PRKCE: variants seen among roughly 807,000 people sequenced by gnomAD.
The protein encoded by PRKCE is protein kinase C epsilon type.
PRKCE carries 16 observed loss-of-function variants against 85.4 expected under a neutral mutation model. The ratio of observed to expected loss-of-function variants is 0.19; its 90% CI spans 0.13 to 0.28. PRKCE has a LOEUF of 0.28. Among genes scored for constraint, PRKCE ranks in the 10% least tolerant of loss-of-function variants. PRKCE has a pLI of 1.00. For synonymous variants in PRKCE, 388 were observed against 371.5 expected (o/e 1.04, Z -0.51); for missense variants, 573 against 975.2 (o/e 0.59, Z 5.49).
intron 1 of PRKCE, among the ~76,000 whole-genome samples, chr2:45,841,837 C>T (rs1691378344): frequency 6.6e-6 from 1 of 152,238 alleles, no homozygotes; most frequent in Non-Finnish European, 1.5e-5. Flanking sequence ...GAGATATCCA[C>T]TAGACTGACT....
intron 10 of PRKCE, among the ~76,000 whole-genome samples, chr2:46,070,418 T>G (rs1351715076): frequency 6.6e-6 from 1 of 151,918 alleles, no homozygotes; most frequent in Non-Finnish European, 1.5e-5. Flanking sequence ...CCAAGGAGGG[T>G]GGATCACGAG....
chr2:46,092,421 G>C (rs559954664), intron 11 of PRKCE, among the ~76,000 whole-genome samples: 21 of 152,208 alleles, frequency 1.4e-4, no homozygotes, highest in Admixed American at 5.9e-4. Flanking sequence ...TGTGCCCGGT[G>C]CCAGAATTGG....
chr2:45,937,077 G>C lies in PRKCE; in HGVS notation c.413-39352G>C, dbSNP rs75067532. ...CTGGGACAGTGATCATGAAAGAAGAGTGCTCCCAGGGGATGAGCAAGATGA... is the reference window on the plus strand; with the variant it reads ...CTGGGACAGTGATCATGAAAGAAGACTGCTCCCAGGGGATGAGCAAGATGA... On this transcript the variant is annotated intron_variant, in intron 2 of 14. Coordinates refer to ENST00000306156, the MANE Select transcript of PRKCE (RefSeq NM_005400.3). 6.4e-3 allele frequency among the ~76,000 whole-genome samples: 971 copies of C among 152,324 alleles called. 5 individuals are homozygous for C. Among genetic ancestry groups the C allele is most frequent in the Non-Finnish European group, 0.011 (740 of 68,038 alleles).
At chr2:46,000,847 A>G (rs1459603679) in intron 6 of PRKCE, 1 of 152,164 alleles carries the variant, frequency 6.6e-6, no homozygotes, top group African/African-American at 2.4e-5. Context: ...TGGCTGTCTA[A>G]TTCTGGGAGC....
intron 1 of PRKCE, among the ~76,000 whole-genome samples, chr2:45,812,761 C>T (rs1001747310): frequency 6.6e-6 from 1 of 152,320 alleles, no homozygotes; most frequent in South Asian, 2.1e-4. Context: ...GACTGGATCC[C>T]ATAGCAGTAG....
At chr2:45,898,522 A>G (rs978970749) in intron 2 of PRKCE, among the ~76,000 whole-genome samples, 1 of 152,190 alleles carries the variant, frequency 6.6e-6, no homozygotes, top group African/African-American at 2.4e-5. Flanking sequence ...TGGTCCCACC[A>G]CACATTGCTT....
chr2:45,809,569 GT>G (rs144101599), intron 1 of PRKCE, among the ~76,000 whole-genome samples: 2,510 of 151,314 alleles, frequency 0.017, 80 homozygotes, highest in African/African-American at 0.057. Flanking sequence ...AGATAAATGT[GT>G]TTTTTTTTCT....
At chr2:45,885,882 C>T (rs887206731) in intron 2 of PRKCE, among the ~76,000 whole-genome samples, 6 of 152,192 alleles carry the variant, frequency 3.9e-5, no homozygotes, top group South Asian at 2.1e-4. Context: ...TTTAAGTGCA[C>T]GAGGGAGCCT....
intron 1 of PRKCE, among the ~76,000 whole-genome samples, chr2:45,674,428 C>T (rs988321365): frequency 2.6e-5 from 4 of 152,204 alleles, no homozygotes; most frequent in Non-Finnish European, 4.4e-5. Flanking sequence ...CAAGAGGACT[C>T]TGTCAAACCA....
At chr2:45,709,185 G>A (rs1679386970) in intron 1 of PRKCE, among the ~76,000 whole-genome samples, 2 of 152,306 alleles carry the variant, frequency 1.3e-5, no homozygotes, top group African/African-American at 2.4e-5. Flanking sequence ...GAGGTTAGTA[G>A]GGCCTACCAG....
chr2:45,980,194 G>T (rs1702772392), intron 4 of PRKCE, 102 bp from the exon 5 acceptor site: 1 of 1,063,952 alleles, frequency 9.4e-7, no homozygotes, highest in African/African-American at 1.6e-5. Context: ...TGGCAGAAGG[G>T]GCCTGGCTCC....
intron 1 of PRKCE, among the ~76,000 whole-genome samples, chr2:45,778,316 G>T (rs1362547159): frequency 1.3e-5 from 2 of 152,166 alleles, no homozygotes; most frequent in African/African-American, 4.8e-5. Flanking sequence ...TTATCTTCCA[G>T]TCTTGCTTCT....
chr2:45,801,741 C>G (rs555844652), intron 1 of PRKCE, among the ~76,000 whole-genome samples: 1 of 152,128 alleles, frequency 6.6e-6, no homozygotes, highest in Non-Finnish European at 1.5e-5. Flanking sequence ...CCAGAAAGGA[C>G]GTTCTTCCCT....
intron 1 of PRKCE, among the ~76,000 whole-genome samples, chr2:45,743,675 C>T (rs1428526538): frequency 6.6e-6 from 1 of 152,200 alleles, no homozygotes; most frequent in African/African-American, 2.4e-5. Context: ...GTATTGTGGG[C>T]GTGGGTATCT....
rs539409809 is a variant in PRKCE at position 45,797,484 on chromosome 2, G to A, written c.349-45516G>A. On this transcript the variant is annotated intron_variant, in intron 1 of 14. Coordinates refer to ENST00000306156, the MANE Select transcript of PRKCE (RefSeq NM_005400.3). ...GAAGTGCCTTTTACAGTGCTGGGGA[G>A]CCACATCTTATGTTTTGCTTTTTTA... Among the ~76,000 whole-genome samples, 3 of 152,314 alleles carry A rather than the reference G, an allele frequency of 2.0e-5. No homozygotes were observed. In the East Asian group the frequency reaches 5.8e-4, roughly 29 times the overall value.
At chr2:46,065,354 A>C (rs1013072056) in intron 10 of PRKCE, among the ~76,000 whole-genome samples, 2 of 152,102 alleles carry the variant, frequency 1.3e-5, no homozygotes, top group African/African-American at 4.8e-5. Flanking sequence ...CATAGTTTCT[A>C]ATATTCTCTT....
chr2:46,159,530 G>A lies in PRKCE; in HGVS notation c.1921-76G>A, dbSNP rs1411201970. ...CGATGCTGAAGATGCTGCTTTGGCT[G>A]ACCTCCATCTGTCCCTTATAGCCTG... On this transcript the variant is annotated intron_variant, in intron 13 of 14. Coordinates refer to ENST00000306156, the MANE Select transcript of PRKCE (RefSeq NM_005400.3). The surrounding 1 kb of genome is among the most constrained non-coding windows in gnomAD (Gnocchi z 4.1). 1.4e-5 allele frequency: 21 copies of A among 1,448,550 alleles called. No individual in the cohort carries two copies. Among genetic ancestry groups the A allele is most frequent in the Non-Finnish European group, 1.8e-5 (20 of 1,097,304 alleles). The allele number at this position is 1,448,550 out of a possible 1,614,324, so 89.7% of individuals were successfully genotyped here.
chr2:45,807,382 A>G (rs1048803900), intron 1 of PRKCE, among the ~76,000 whole-genome samples: 1 of 152,246 alleles, frequency 6.6e-6, no homozygotes, highest in Non-Finnish European at 1.5e-5. Flanking sequence ...ATGGCCCAGA[A>G]TCATGGCTGC....
At chr2:45,984,469 A>C in intron 5 of PRKCE, 82 bp from the exon 6 acceptor site, 2 of 1,545,294 alleles carry the variant, frequency 1.3e-6, no homozygotes, top group Non-Finnish European at 1.7e-6. Flanking sequence ...CTCTTGGAAA[A>C]AGTTCTTTGA....
Sources: allele counts gnomAD v4.1 joint callset (sites outside exome capture counted in the v4.1 genomes callset), GRCh38; gene constraint gnomAD v4.1.1; non-coding constraint Gnocchi (gnomAD v3.1); transcripts MANE v1.5; gene names NCBI Gene and HGNC (gene_info 2026-07-23, HGNC 2026-07-21).